Variants in NLRC3 observed in about 807,000 individuals in gnomAD.
The protein encoded by NLRC3 is NLR family CARD domain containing 3.
NLRC3 carries 87 observed loss-of-function variants against 91.6 expected under a neutral mutation model. The observed-to-expected ratio is 0.95, with a 90% confidence interval of 0.80 to 1.14. The LOEUF is 1.14. Ranked by LOEUF, NLRC3 falls within the 50% of genes most tolerant of loss-of-function variation. The probability of loss-of-function intolerance (pLI) is 0.00; values close to 1 mark genes in which losing one functional copy is unlikely to be tolerated. For synonymous variants in NLRC3, 694 were observed against 625.3 expected (o/e 1.11, Z -1.64); for missense variants, 1,577 against 1,418.6 (o/e 1.11, Z -1.79).
At position 3,564,615 on chromosome 16, in the gene NLRC3, G is replaced by A; in HGVS notation, c.322C>T (p.Gln108Ter). Reference protein sequence around the residue: ...DLQLREHDFTQVEATRGGGHP... With the variant: ...DLQLREHDFT ...CCGCCCCCGCGGGTGGCCTCCACCT[G>A]TGTGAAGTCGTGTTCCCTCAGCTGC... The change falls in exon 5 of 20, where the codon CAG (glutamine) becomes TAG (stop). Residue 108 changes from glutamine to a stop codon, truncating the protein, a stop_gained. Coordinates refer to ENST00000359128, the MANE Select transcript of NLRC3 (RefSeq NM_178844.4). LOFTEE classifies it high-confidence loss of function. The surrounding 1 kb of genome is among the most constrained non-coding windows in gnomAD (Gnocchi z 5.9). 1 of 1,609,786 alleles carries A rather than the reference G, an allele frequency of 6.2e-7. No individual in the cohort carries two copies. The highest frequency in any genetic ancestry group is 8.5e-7 in the Non-Finnish European group (1 of 1,179,716).
At chr16:3,575,628 G>A (rs1386454649) in intron 1 of NLRC3, among the ~76,000 whole-genome samples, 1 of 152,240 alleles carries the variant, frequency 6.6e-6, no homozygotes, top group East Asian at 1.9e-4. Flanking sequence ...TGAACCTGAG[G>A]CCTTCCTGGT....
intron 15 of NLRC3, among the ~76,000 whole-genome samples, chr16:3,546,804 T>C (rs2038716671): frequency 6.6e-6 from 1 of 151,768 alleles, no homozygotes; most frequent in Non-Finnish European, 1.5e-5. Context: ...ACTTTGAAGA[T>C]CACTGGAGCC....
At chr16:3,549,298 T>C (rs2038872437) in intron 12 of NLRC3, 73 bp from the exon 13 acceptor site, 2 of 1,149,168 alleles carry the variant, frequency 1.7e-6, no homozygotes, top group Non-Finnish European at 1.3e-6. Context: ...CCCAGGTGTT[T>C]AGGCTTCTTG....
intron 6 of NLRC3, 144 bp from the exon 7 acceptor site, chr16:3,557,820 A>C: frequency 1.6e-6 from 1 of 615,814 alleles, no homozygotes; most frequent in South Asian, 1.9e-5. Context: ...TGACCCCTGG[A>C]GCAGAATGCC....
rs1417750800 is a variant in NLRC3, at chr16:3,540,648, C to G, written c.*1177G>C. 2 of 152,090 alleles carry G rather than the reference C, an allele frequency of 1.3e-5. No homozygotes were observed. The highest frequency in any genetic ancestry group is 2.9e-5 in the Non-Finnish European group (2 of 68,068). 9.4% of individuals were successfully genotyped at this position (152,090 alleles called of 1,614,324 possible). A position where few individuals can be genotyped will look rare whatever the true frequency, so the allele number is the denominator to read the frequency against. Reference sequence around the variant, plus strand: ...TGAAACCCCATCTCTACTAAAAATACAAAAATTAGCTGGGTGTGGTGGTGC... The same window carrying G: ...TGAAACCCCATCTCTACTAAAAATAGAAAAATTAGCTGGGTGTGGTGGTGC... On this transcript the variant is annotated 3_prime_UTR_variant, in exon 20 of 20. Coordinates refer to ENST00000359128, the MANE Select transcript of NLRC3 (RefSeq NM_178844.4).
intron 5 of NLRC3, among the ~76,000 whole-genome samples, chr16:3,562,199 C>A (rs1189827352): frequency 6.6e-6 from 1 of 152,120 alleles, no homozygotes; most frequent in African/African-American, 2.4e-5. Flanking sequence ...GAATTGTGTC[C>A]CCACAAAAGA....
chr16:3,575,866 C>T (rs1051958135), intron 1 of NLRC3, among the ~76,000 whole-genome samples: 3 of 152,332 alleles, frequency 2.0e-5, no homozygotes, highest in African/African-American at 4.8e-5. Context: ...CCCACCACGG[C>T]TGCTTGGATG....
At chr16:3,552,018 C>CATCCATTT in intron 10 of NLRC3, among the ~76,000 whole-genome samples, 178 bp downstream of exon 10, 1 of 151,828 alleles carries the variant, frequency 6.6e-6, no homozygotes, top group South Asian at 2.1e-4. Flanking sequence ...TCCATCCATC[C>CATCCATTT]ATCCATTTAC....
In NLRC3 at chr16:3,549,760, C is replaced by G; in HGVS notation, c.2456G>C (p.Ser819Thr). 6.4e-7 allele frequency: 1 copy of G among 1,551,048 alleles called. No homozygotes were observed. Among genetic ancestry groups the G allele is most frequent in the Non-Finnish European group, 8.7e-7 (1 of 1,146,876 alleles). The change falls in exon 12 of 20, where the codon AGT becomes ACT. Residue 819 changes from serine to threonine, a missense_variant. Ser to Thr is a moderately conservative substitution (Grantham distance 58). Coordinates refer to ENST00000359128, the MANE Select transcript of NLRC3 (RefSeq NM_178844.4). ...CATCAGTGCTGCCACTCCTGCGTCA[C>G]TGATGGAATTGCTCTGCAGGCTGCG... ...ESLDLQSNSI[S>T]DAGVAALMGA...
At chr16:3,543,307 A>G in intron 17 of NLRC3, 118 bp downstream of exon 17, 1 of 746,338 alleles carries the variant, frequency 1.3e-6, no homozygotes, top group Non-Finnish European at 2.3e-6. Flanking sequence ...CTTGCACTGA[A>G]ATGAAGATCA....
chr16:3,543,285 G>T, intron 17 of NLRC3, 140 bp downstream of exon 17: 1 of 676,806 alleles, frequency 1.5e-6, no homozygotes, highest in Non-Finnish European at 2.6e-6. Flanking sequence ...GTGGGGCTGG[G>T]AAACTGGTAT....
Position 3,571,811 on chromosome 16 carries a change from G to A in NLRC3, c.-168-4487C>T, listed in dbSNP as rs1003569953. Among the ~76,000 whole-genome samples, 4 of 151,442 alleles carry A rather than the reference G, an allele frequency of 2.6e-5. No homozygotes were observed. The East Asian group carries it at 5.8e-4, about 22-fold the overall frequency. ...AAAAATTAGCTGGGCGTGGTGGCAC[G>A]TGCCTGTAGTCCCGGCTACTCGGGA... On this transcript the variant is annotated intron_variant, in intron 1 of 19. Transcript: ENST00000359128.
chr16:3,564,323 C>T lies in NLRC3; in HGVS notation c.614G>A (p.Ser205Asn), dbSNP rs751165389. The change falls in exon 5 of 20, where the codon AGC (serine) becomes AAC (asparagine). Residue 205 changes from serine to asparagine, a missense_variant. By Grantham distance (46) the Ser-to-Asn change is conservative. Transcript: ENST00000359128. The surrounding 1 kb of genome is among the most constrained non-coding windows in gnomAD (Gnocchi z 5.9). Reference sequence around the variant, plus strand: ...CCTGGCTGGGACTGCCACCGCCAGGCTGGGCTCCCCGACGTGCGGGAAGAC... The same window carrying T: ...CCTGGCTGGGACTGCCACCGCCAGGTTGGGCTCCCCGACGTGCGGGAAGAC... ...CSVFPHVGEPSLAVAVPARAL... is the reference protein window; with the variant it reads ...CSVFPHVGEPNLAVAVPARAL... 1.2e-6 allele frequency: 2 copies of T among 1,611,444 alleles called. No homozygotes were observed. The highest frequency in any genetic ancestry group is 1.3e-5 in the African/African-American group (1 of 74,938).
intron 18 of NLRC3, 76 bp downstream of exon 18, chr16:3,542,616 A>C (rs2038465056): frequency 3.6e-6 from 3 of 825,178 alleles, no homozygotes; most frequent in Non-Finnish European, 4.1e-6. Context: ...AATCAGGAGC[A>C]TTTTATTCCA....
At chr16:3,551,112 C>T (rs975181281) in intron 10 of NLRC3, among the ~76,000 whole-genome samples, 3 of 151,702 alleles carry the variant, frequency 2.0e-5, no homozygotes, top group East Asian at 1.9e-4. Context: ...CACTCATCCA[C>T]CCATCCATCC....
chr16:3,541,549 G>A lies in NLRC3; in HGVS notation c.*276C>T. On this transcript the variant is annotated 3_prime_UTR_variant, in exon 20 of 20. Coordinates refer to ENST00000359128, the MANE Select transcript of NLRC3 (RefSeq NM_178844.4). ...TGGAACCAGCCTCCTGTACTGCTCAGCTTTCAGGCCTTTGGCCCCTAGTCC... is the reference window on the plus strand; with the variant it reads ...TGGAACCAGCCTCCTGTACTGCTCAACTTTCAGGCCTTTGGCCCCTAGTCC... The A allele has an allele frequency of 2.1e-6, 1 of 471,514 alleles. No individual in the cohort carries two copies. Among genetic ancestry groups the A allele is most frequent in the Non-Finnish European group, 3.8e-6 (1 of 260,940 alleles). The allele number at this position is 471,514 out of a possible 1,614,324, so 29.2% of individuals were successfully genotyped here.
At chr16:3,546,797 T>G (rs1321267103) in intron 15 of NLRC3, among the ~76,000 whole-genome samples, 2 of 151,806 alleles carry the variant, frequency 1.3e-5, no homozygotes, top group East Asian at 3.9e-4. Context: ...CGTTGGGACT[T>G]TGAAGATCAC....
rs1026671885 is a variant in NLRC3, at chr16:3,553,301, A to T, written c.2267+941T>A. Among the ~76,000 whole-genome samples, 5 of 152,334 alleles carry T rather than the reference A, an allele frequency of 3.3e-5. No homozygotes were observed. In the East Asian group the frequency reaches 5.8e-4, roughly 18 times the overall value. Reference sequence around the variant, plus strand: ...CTTTCACAGCCTGGGAATGTCTTTCATAAGGGTTTGGAGCCATCTCTTTGA... The same window carrying T: ...CTTTCACAGCCTGGGAATGTCTTTCTTAAGGGTTTGGAGCCATCTCTTTGA... On this transcript the variant is annotated intron_variant, in intron 9 of 19. Transcript: ENST00000359128.
chr16:3,565,510 C>A (rs2151102161), intron 2 of NLRC3, 130 bp from the exon 3 acceptor site: 1 of 357,152 alleles, frequency 2.8e-6, no homozygotes, highest in African/African-American at 2.2e-5. Context: ...CAGCAGCAGC[C>A]ACTCTGGGGA....
Sources: allele counts gnomAD v4.1 joint callset (sites outside exome capture counted in the v4.1 genomes callset), GRCh38; gene constraint gnomAD v4.1.1; non-coding constraint Gnocchi (gnomAD v3.1); transcripts MANE v1.5; gene names NCBI Gene and HGNC (gene_info 2026-07-23, HGNC 2026-07-21).